The following KIF5C variants were observed in gnomAD, a reference collection of about 807,000 sequenced individuals.
The protein encoded by KIF5C is kinesin family member 5C, also known as kinesin heavy chain isoform 5C.
In KIF5C, 18 loss-of-function variants were observed where a neutral mutation model predicts 125.2. The ratio of observed to expected loss-of-function variants is 0.14; its 90% confidence interval spans 0.10 to 0.21. The LOEUF (loss-of-function observed/expected upper bound fraction) is 0.21, where lower values mean the gene tolerates loss of function less well. KIF5C is among the 10% of genes least tolerant of loss of function. The probability of loss-of-function intolerance (pLI) is 1.00; values close to 1 mark genes in which losing one functional copy is unlikely to be tolerated. For synonymous variants in KIF5C, 405 were observed against 434.0 expected (o/e 0.93, Z 0.83); for missense variants, 780 against 1,183.8 (o/e 0.66, Z 5.01).
At chr2:148,947,931 G>A (rs776482189) in intron 8 of KIF5C, 4 of 456,558 alleles carry the variant, frequency 8.8e-6, no homozygotes, top group African/African-American at 2.0e-5. Flanking sequence ...CTGAGTTCCC[G>A]TATGCCAAGT....
At chr2:148,933,788 A>AC (rs1286237754) in intron 3 of KIF5C, among the ~76,000 whole-genome samples, 1 of 142,780 alleles carries the variant, frequency 7.0e-6, no homozygotes, top group South Asian at 2.3e-4. Context: ...TATACCACAT[A>AC]CCCCCCATAT....
chr2:148,904,970 C>G (rs1385712539), intron 1 of KIF5C, among the ~76,000 whole-genome samples: 2 of 152,170 alleles, frequency 1.3e-5, no homozygotes, highest in Non-Finnish European at 2.9e-5. Context: ...TGTTTAATCT[C>G]TAATACTTTG....
At chr2:148,945,492 TTA>T (rs1278814101) in intron 7 of KIF5C, among the ~76,000 whole-genome samples, 1 of 152,206 alleles carries the variant, frequency 6.6e-6, no homozygotes, top group Non-Finnish European at 1.5e-5. Flanking sequence ...TTCTGTTGAT[TTA>T]TATGTCTGTC....
At chr2:148,878,072 T>C (rs943187490) in intron 1 of KIF5C, 2 of 152,238 alleles carry the variant, frequency 1.3e-5, no homozygotes, top group African/African-American at 2.4e-5. Context: ...TTTCAGTTTT[T>C]CTAAGGTAAA....
At chr2:148,916,980 C>A (rs1681582114) in intron 1 of KIF5C, among the ~76,000 whole-genome samples, 1 of 152,200 alleles carries the variant, frequency 6.6e-6, no homozygotes, top group Non-Finnish European at 1.5e-5. Flanking sequence ...CTGGAAGGAC[C>A]TTTTGGCTCT....
chr2:148,903,344 A>T (rs533018228), intron 1 of KIF5C, among the ~76,000 whole-genome samples: 39 of 152,326 alleles, frequency 2.6e-4, no homozygotes, highest in African/African-American at 8.9e-4. Context: ...TTTAAGTGTC[A>T]TGATGCAAGG....
intron 7 of KIF5C, among the ~76,000 whole-genome samples, chr2:148,943,382 G>C (rs1682450598): frequency 6.6e-6 from 1 of 152,116 alleles, no homozygotes; most frequent in Non-Finnish European, 1.5e-5. Flanking sequence ...GGCAGCAGAG[G>C]ATCCGTGAAA....
rs1352615880 is a variant in KIF5C at position 148,991,137 on chromosome 2, C to G, written c.1844C>G (p.Ser615Cys). 8 of 1,613,860 alleles carry G rather than the reference C, an allele frequency of 5.0e-6. No homozygotes were observed. In the East Asian group the frequency reaches 1.8e-4, roughly 36 times the overall value. ...SKQLESAQMD[S>C]NRKMNASERE... ...CAGCTCGAGAGCGCCCAGATGGACT[C>G]CAACAGGAAGATGAATGCCAGCGAG... is the stretch of plus-strand genomic sequence containing the variant. Residue 615 changes from serine (S) to cysteine (C), a missense_variant, in exon 16 of 26, where the codon TCC becomes TGC. By Grantham distance (112) the Ser-to-Cys change is moderately radical (BLOSUM62 -1). Transcript: ENST00000435030.
chr2:148,977,259 C>T (rs1265781509), intron 12 of KIF5C, among the ~76,000 whole-genome samples: 2 of 152,164 alleles, frequency 1.3e-5, no homozygotes, highest in Non-Finnish European at 2.9e-5. Context: ...CACTGCATCC[C>T]AGCTTGTCAT....
chr2:148,998,547 C>A, intron 19 of KIF5C, 38 bp downstream of exon 19: 1 of 1,550,240 alleles, frequency 6.5e-7, no homozygotes, highest in South Asian at 1.2e-5. Context: ...TGGGGGTGGT[C>A]ATGCCTCGGT....
chr2:148,954,774 G>A (rs548609399), intron 10 of KIF5C, among the ~76,000 whole-genome samples: 1 of 152,312 alleles, frequency 6.6e-6, no homozygotes, highest in African/African-American at 2.4e-5. Flanking sequence ...AGCTAGATTA[G>A]GCAGAGCCTG....
At chr2:148,947,772 A>G in intron 8 of KIF5C, 1 of 400,342 alleles carries the variant, frequency 2.5e-6, no homozygotes. Flanking sequence ...ACCTCCCTCG[A>G]GCAACATCAT....
intron 1 of KIF5C, among the ~76,000 whole-genome samples, chr2:148,921,683 C>A (rs1473346761): frequency 2.0e-5 from 3 of 152,222 alleles, no homozygotes; most frequent in Non-Finnish European, 4.4e-5. Context: ...AGCATTCCCT[C>A]TGTCCCACTG....
At chr2:148,954,081 A>G (rs1682735198) in intron 10 of KIF5C, among the ~76,000 whole-genome samples, 1 of 122,824 alleles carries the variant, frequency 8.1e-6, no homozygotes, top group East Asian at 2.3e-4. Context: ...ATGTGTTCTC[A>G]TTGTTTAACT....
intron 21 of KIF5C, among the ~76,000 whole-genome samples, chr2:149,001,413 G>T (rs1472048313): frequency 6.6e-6 from 1 of 152,166 alleles, no homozygotes; most frequent in African/African-American, 2.4e-5. Context: ...CCTGTTGGGG[G>T]CCAGCAGGGA....
chr2:148,907,899 T>C (rs1681179070), intron 1 of KIF5C, among the ~76,000 whole-genome samples: 1 of 152,186 alleles, frequency 6.6e-6, no homozygotes, highest in Non-Finnish European at 1.5e-5. Context: ...CTGTCCAGAG[T>C]AAAAGCAATT....
chr2:148,884,422 C>T (rs1319002655), intron 1 of KIF5C: 2 of 152,066 alleles, frequency 1.3e-5, no homozygotes, highest in Non-Finnish European at 2.9e-5. Flanking sequence ...TGCTTTTTCT[C>T]TCCCCCCTTG....
chr2:148,890,553 T>TATA, intron 1 of KIF5C, among the ~76,000 whole-genome samples: 1 of 152,174 alleles, frequency 6.6e-6, no homozygotes, highest in Admixed American at 6.6e-5. Flanking sequence ...AGGAAGCATG[T>TATA]GAGCCACTTT....
intron 1 of KIF5C, chr2:148,879,084 TTCTC>T (rs1386353810): frequency 1.3e-5 from 2 of 152,238 alleles, no homozygotes; most frequent in Non-Finnish European, 2.9e-5. Flanking sequence ...AAAGCTGTCT[TTCTC>T]TGACCACACC....
Sources: gnomAD v4.1 joint callset for allele counts (sites outside exome capture counted in the v4.1 genomes callset) on GRCh38, gnomAD v4.1.1 for gene constraint, MANE v1.5 for transcripts, NCBI Gene and HGNC (gene_info 2026-07-23, HGNC 2026-07-21) for gene names.